Variants in TBX18 observed in about 807,000 individuals in gnomAD.
The protein encoded by TBX18 is T-box transcription factor TBX18.
A neutral mutation model predicts 55.0 loss-of-function variants in TBX18; 21 were observed. The ratio of observed to expected loss-of-function variants is 0.38; its 90% CI spans 0.27 to 0.55. The LOEUF is 0.55. TBX18 is among the 20% of genes least tolerant of loss of function. The probability of loss-of-function intolerance (pLI) is 0.73; values close to 1 mark genes in which losing one functional copy is unlikely to be tolerated. For synonymous variants in TBX18, 342 were observed against 326.1 expected, an observed-to-expected ratio of 1.05 and a Z score of -0.53; for missense variants, 840 against 799.6, an observed-to-expected ratio of 1.05 and a Z score of -0.61.
chr6:84,762,641 GCAGAGGGGTCCCGGGCCGGGC>G lies in TBX18; in HGVS notation c.379_399del (p.Ala127_Leu133del), dbSNP rs757979812. 5 of 1,611,650 alleles carry G rather than the reference GCAGAGGGGTCCCGGGCCGGGC, an allele frequency of 3.1e-6. No homozygotes were observed. The highest frequency in any genetic ancestry group is 1.3e-5 in the African/African-American group (1 of 74,836). On this transcript the variant is annotated inframe_deletion, in exon 2 of 8. Transcript: ENST00000369663. Reference sequence around the variant, plus strand: ...TCCACCCGCGGGGCCTGCGGCGAGGGCAGAGGGGTCCCGGGCCGGGCCAGGGAGCGCGCCGGAGACCCCTTG... The same window carrying G: ...TCCACCCGCGGGGCCTGCGGCGAGGGCAGGGAGCGCGCCGGAGACCCCTTG...
At chr6:84,743,479 C>A (rs926081501) in intron 6 of TBX18, among the ~76,000 whole-genome samples, 2 of 152,084 alleles carry the variant, frequency 1.3e-5, no homozygotes, top group South Asian at 4.1e-4. Context: ...TTTTTAAAAA[C>A]AAGCTGCTTT....
chr6:84,760,198 T>C, intron 3 of TBX18, 57 bp downstream of exon 3: 3 of 1,132,670 alleles, frequency 2.6e-6, no homozygotes, highest in East Asian at 5.2e-5. Flanking sequence ...AAACAGGCAC[T>C]AGCCTGCAAA....
Position 84,758,554 on chromosome 6 carries a change from CCACT to C in TBX18, c.600-1689_600-1686del, listed in dbSNP as rs558925010. ...CAATAATTTTTAACTTGATTAAATA[CCACT>C]CAAACATTAGAAAATAAGCCAAATT... On this transcript the variant is annotated intron_variant, in intron 3 of 7. Transcript: ENST00000369663. 1.2e-3 allele frequency among the ~76,000 whole-genome samples: 187 copies of C among 151,970 alleles called. 1 individual carries two copies. The highest frequency in any genetic ancestry group is 4.2e-3 in the African/African-American group (173 of 41,440).
Position 84,736,603 on chromosome 6 carries a change from G to C in TBX18, c.*82C>G, listed in dbSNP as rs9450013. The stretch of plus-strand genomic sequence containing the variant: ...ATATGTACATTTTATAAACCACAGA[G>C]AGTTTCTTTCCACATAGCTTTTAAA... On this transcript the variant is annotated 3_prime_UTR_variant, in exon 8 of 8. Coordinates refer to ENST00000369663, the MANE Select transcript of TBX18 (RefSeq NM_001080508.3). The C allele has an allele frequency of 5.5e-3, 7,798 of 1,419,012 alleles. 341 individuals are homozygous for C. The African/African-American group carries it at 0.097, about 18-fold the overall frequency. The allele number at this position is 1,419,012 out of a possible 1,614,324, so 87.9% of individuals were successfully genotyped here.
intron 4 of TBX18, among the ~76,000 whole-genome samples, chr6:84,754,680 CAGTA>C (rs1361296730): frequency 6.6e-6 from 1 of 152,178 alleles, no homozygotes; most frequent in African/African-American, 2.4e-5. Flanking sequence ...GGCTATGCCA[CAGTA>C]CCCAGATACT....
intron 4 of TBX18, among the ~76,000 whole-genome samples, chr6:84,748,305 T>G (rs1240271428): frequency 6.6e-6 from 1 of 152,330 alleles, no homozygotes; most frequent in East Asian, 1.9e-4. Context: ...ACTATTTTAG[T>G]GAAACCCTGT....
chr6:84,744,944 A>T (rs1210883996), intron 5 of TBX18, among the ~76,000 whole-genome samples: 2 of 152,102 alleles, frequency 1.3e-5, no homozygotes, highest in Non-Finnish European at 2.9e-5. Flanking sequence ...ACTACAGTGA[A>T]TGTCTAACCA....
In TBX18 at chr6:84,737,300, C is replaced by T; in HGVS notation, c.1209G>A (p.Gly403=). The part of the protein sequence containing the change: ...SSCSSPAFHL[G]PNTSQLCSLA... ...GACTACACAGCTGGCTGGTGTTGGG[C>T]CCCAGATGGAAGGCAGGAGAGGAGC... The change falls in exon 8 of 8, where the codon GGG becomes GGA. Residue 403 remains glycine (G), a synonymous_variant. Transcript: ENST00000369663. The T allele has an allele frequency of 6.2e-7, 1 of 1,605,648 alleles. No individual in the cohort carries two copies. The highest frequency in any genetic ancestry group is 1.1e-5 in the South Asian group (1 of 89,308).
chr6:84,736,592 T>A lies in TBX18; in HGVS notation c.*93A>T. 5.0e-6 allele frequency: 7 copies of A among 1,393,954 alleles called. No homozygotes were observed. Among genetic ancestry groups the A allele is most frequent in the Non-Finnish European group, 6.7e-6 (7 of 1,051,444 alleles). The allele number at this position is 1,393,954 out of a possible 1,614,324, so 86.3% of individuals were successfully genotyped here. ...CATTTTCTATTATATGTACATTTTATAAACCACAGAGAGTTTCTTTCCACA... is the reference window on the plus strand; with the variant it reads ...CATTTTCTATTATATGTACATTTTAAAAACCACAGAGAGTTTCTTTCCACA... On this transcript the variant is annotated 3_prime_UTR_variant, in exon 8 of 8. Transcript: ENST00000369663.
At position 84,762,653 on chromosome 6, in the gene TBX18, C is replaced by G. The variant is rs1289213031; in HGVS notation, c.388G>C (p.Gly130Arg). 1 of 1,610,716 alleles carries G rather than the reference C, an allele frequency of 6.2e-7. No homozygotes were observed. The highest frequency in any genetic ancestry group is 2.2e-5 in the East Asian group (1 of 44,770). The change falls in exon 2 of 8, where the codon GGG becomes CGG. Residue 130 changes from glycine (G) to arginine (R), a missense_variant. By Grantham distance (125) the Gly-to-Arg change is moderately radical. Transcript: ENST00000369663. ...GCCTGCGGCGAGGGCAGAGGGGTCC[C>G]GGGCCGGGCCAGGGAGCGCGCCGGA... ...GSPARSLARP[G>R]TPLPSPQAPR... is the part of the protein sequence containing the mutation.
intron 4 of TBX18, among the ~76,000 whole-genome samples, chr6:84,751,688 A>G (rs755256830): frequency 2.0e-4 from 31 of 152,252 alleles, no homozygotes; most frequent in Non-Finnish European, 3.5e-4. Context: ...ACCATGCTGC[A>G]CACTTGCACA....
Position 84,737,131 on chromosome 6 carries a change from C to T in TBX18, c.1378G>A (p.Val460Met), listed in dbSNP as rs535362046. ...APPRTPSYVG[V>M]SSSTSVNMSM... is the part of the protein sequence containing the mutation. ...ATGTTCACGGAGGTGCTGCTGCTCA[C>T]GCCCACATAGGAGGGAGTCCTGGGC... is the stretch of plus-strand genomic sequence containing the variant. Residue 460 changes from valine (V) to methionine (M), a missense_variant, in exon 8 of 8, where the codon GTG becomes ATG. Physicochemically the swap from Val to Met is conservative, Grantham distance 21. Transcript: ENST00000369663. 15 of 1,614,086 alleles carry T rather than the reference C, an allele frequency of 9.3e-6. No homozygotes were observed. Among genetic ancestry groups the T allele is most frequent in the Admixed American group, 5.0e-5 (3 of 60,010 alleles).
intron 2 of TBX18, among the ~76,000 whole-genome samples, chr6:84,761,991 T>C (rs1289213550): frequency 1.3e-5 from 2 of 152,152 alleles, no homozygotes; most frequent in Admixed American, 6.5e-5. Flanking sequence ...GTATTGTGGG[T>C]GAGTCCAGTG....
At chr6:84,760,520 T>A (rs576219662) in intron 2 of TBX18, among the ~76,000 whole-genome samples, 164 bp from the exon 3 acceptor site, 1 of 152,190 alleles carries the variant, frequency 6.6e-6, no homozygotes, top group Admixed American at 6.5e-5. Flanking sequence ...ATAGAACATA[T>A]CAGAACTGAG....
chr6:84,743,729 C>T (rs1000594266), intron 6 of TBX18, among the ~76,000 whole-genome samples: 1 of 152,118 alleles, frequency 6.6e-6, no homozygotes, highest in African/African-American at 2.4e-5. Flanking sequence ...ACAAACACCA[C>T]AAAACGTGAA....
chr6:84,760,649 C>G (rs1767624728), intron 2 of TBX18, among the ~76,000 whole-genome samples: 1 of 152,080 alleles, frequency 6.6e-6, no homozygotes, highest in Non-Finnish European at 1.5e-5. Context: ...AAGAAAGCAT[C>G]TTATTTTTTA....
rs780095831 is a variant in TBX18 at position 84,762,645 on chromosome 6, A to T, written c.396T>A (p.Pro132=). The T allele has an allele frequency of 1.2e-5, 20 of 1,611,024 alleles. No homozygotes were observed. Among genetic ancestry groups the T allele is most frequent in the Non-Finnish European group, 1.5e-5 (18 of 1,178,938 alleles). ...PARSLARPGT[P]LPSPQAPRVD... ...CCCGCGGGGCCTGCGGCGAGGGCAG[A>T]GGGGTCCCGGGCCGGGCCAGGGAGC... Residue 132 remains proline, a synonymous_variant, in exon 2 of 8, where the codon CCT becomes CCA. Coordinates refer to ENST00000369663, the MANE Select transcript of TBX18 (RefSeq NM_001080508.3).
At chr6:84,745,488 G>C (rs1582070749) in intron 5 of TBX18, among the ~76,000 whole-genome samples, 2 of 152,058 alleles carry the variant, frequency 1.3e-5, no homozygotes, top group African/African-American at 2.4e-5. Context: ...TACATTGCTT[G>C]TGCACGCCCT....
Position 84,764,396 on chromosome 6 carries a change from C to T in TBX18, c.-215G>A. Reference sequence around the variant, plus strand: ...GCGACGCGCCGGCCAAGTCTCCTTTCCTGGGTCTCTCTCGCGCGCTCTCTC... The same window carrying T: ...GCGACGCGCCGGCCAAGTCTCCTTTTCTGGGTCTCTCTCGCGCGCTCTCTC... On this transcript the variant is annotated 5_prime_UTR_variant, in exon 1 of 8. Transcript: ENST00000369663. 1.6e-6 allele frequency: 1 copy of T among 622,682 alleles called. No individual in the cohort carries two copies. Among genetic ancestry groups the T allele is most frequent in the Non-Finnish European group, 2.5e-6 (1 of 396,546 alleles). 38.6% of individuals were successfully genotyped at this position (622,682 alleles called of 1,614,324 possible). A position where few individuals can be genotyped will look rare whatever the true frequency, so the allele number is the denominator to read the frequency against.
Sources: gnomAD v4.1 joint callset for allele counts (sites outside exome capture counted in the v4.1 genomes callset) on GRCh38, gnomAD v4.1.1 for gene constraint, MANE v1.5 for transcripts, NCBI Gene and HGNC (gene_info 2026-07-23, HGNC 2026-07-21) for gene names.